Variants in PADI3 observed in about 807,000 individuals in gnomAD.
PADI3 encodes the protein protein-arginine deiminase type-3.
Under a neutral mutation model 71.5 loss-of-function variants are expected in PADI3, and 53 were observed. The observed-to-expected ratio is 0.74, with a 90% CI of 0.59 to 0.93. The LOEUF (loss-of-function observed/expected upper bound fraction) is 0.93. Among genes scored for constraint, PADI3 ranks in the 40% least tolerant of loss-of-function variants. The pLI is 0.00. For synonymous variants in PADI3, 361 were observed against 347.5 expected (o/e 1.04, Z -0.43); for missense variants, 821 against 868.0 (o/e 0.95, Z 0.68).
chr1:17,264,946 T>C (rs2073147712), intron 3 of PADI3, among the ~76,000 whole-genome samples: 1 of 151,188 alleles, frequency 6.6e-6, no homozygotes, highest in African/African-American at 2.4e-5. Context: ...GAGGCAGAGG[T>C]TGCAGTGAGC....
intron 7 of PADI3, 27 bp downstream of exon 7, chr1:17,270,438 G>C: frequency 6.3e-7 from 1 of 1,590,424 alleles, no homozygotes; most frequent in South Asian, 1.1e-5. Context: ...TTCAAGAGGA[G>C]CTCCACTCGG....
In PADI3 at chr1:17,259,662, C is replaced by A. The variant is rs1356839433; in HGVS notation, c.177C>A (p.Gly59=). Residue 59 remains glycine, a synonymous_variant, in exon 2 of 16, where the codon GGC becomes GGA. Coordinates refer to ENST00000375460, the MANE Select transcript of PADI3 (RefSeq NM_016233.2). The stretch of plus-strand genomic sequence containing the variant: ...ACATCTCTCCCAACATGGAGAGGGG[C>A]CGGGAGCGTGCAGACACCAGGCGGT... ...DIYISPNMER[G]RERADTRRWR... 2 of 1,613,882 alleles carry A rather than the reference C, an allele frequency of 1.2e-6. No individual in the cohort carries two copies. Among genetic ancestry groups the A allele is most frequent in the Non-Finnish European group, 1.7e-6 (2 of 1,179,848 alleles).
chr1:17,249,643 T>TA (rs1161143991), intron 1 of PADI3, among the ~76,000 whole-genome samples: 1 of 152,230 alleles, frequency 6.6e-6, no homozygotes, highest in Non-Finnish European at 1.5e-5. Context: ...GAATCATTTT[T>TA]AAAAAATAAG....
intron 3 of PADI3, among the ~76,000 whole-genome samples, chr1:17,264,331 TACACACAC>T (rs60223695): frequency 0.092 from 13,663 of 148,156 alleles, 641 homozygotes; most frequent in South Asian, 0.2. Flanking sequence ...AAAGCATATG[TACACACAC>T]ACACACACAC....
intron 1 of PADI3, among the ~76,000 whole-genome samples, chr1:17,257,197 C>T (rs563117018): frequency 2.6e-5 from 4 of 152,224 alleles, no homozygotes; most frequent in Admixed American, 1.3e-4. Context: ...CTCTCCATCT[C>T]GCTGGGTCTC....
chr1:17,267,894 A>T lies in PADI3; in HGVS notation c.584A>T (p.Asp195Val). The change falls in exon 6 of 16, where the codon GAT (aspartate) becomes GTT (valine). Residue 195 changes from aspartate to valine, a missense_variant. Coordinates refer to ENST00000375460, the MANE Select transcript of PADI3 (RefSeq NM_016233.2). ...LRTQGPAALF[D>V]DHKLVLHTSS... is the part of the protein sequence containing the mutation. Reference sequence around the variant, plus strand: ...ACGCAGGGCCCTGCAGCCCTCTTTGATGACCACAAACTTGTCCTCCATACC... The same window carrying T: ...ACGCAGGGCCCTGCAGCCCTCTTTGTTGACCACAAACTTGTCCTCCATACC... 6.2e-7 allele frequency: 1 copy of T among 1,614,192 alleles called. No individual in the cohort carries two copies. Among genetic ancestry groups the T allele is most frequent in the East Asian group, 2.2e-5 (1 of 44,890 alleles).
chr1:17,254,791 C>A (rs2073008783), intron 1 of PADI3, among the ~76,000 whole-genome samples: 1 of 148,480 alleles, frequency 6.7e-6, no homozygotes, highest in Admixed American at 6.9e-5. Flanking sequence ...TATCTTGGCT[C>A]ACTGCAACCT....
chr1:17,283,262 G>A lies in PADI3; in HGVS notation c.*183G>A, dbSNP rs2073424019. 1 of 580,848 alleles carries A rather than the reference G, an allele frequency of 1.7e-6. No individual in the cohort carries two copies. The highest frequency in any genetic ancestry group is 3.1e-6 in the Non-Finnish European group (1 of 324,820). The allele number at this position is 580,848 out of a possible 1,614,324, so 36.0% of individuals were successfully genotyped here. On this transcript the variant is annotated 3_prime_UTR_variant, in exon 16 of 16. Coordinates refer to ENST00000375460, the MANE Select transcript of PADI3 (RefSeq NM_016233.2). Reference sequence around the variant, plus strand: ...TGTCCATGCCTCACCTGCAACCCATGTGGTTCTCAGACTTGAATCTTCTCG... The same window carrying A: ...TGTCCATGCCTCACCTGCAACCCATATGGTTCTCAGACTTGAATCTTCTCG...
chr1:17,267,548 C>A (rs373639386), intron 5 of PADI3, among the ~76,000 whole-genome samples: 1 of 152,206 alleles, frequency 6.6e-6, no homozygotes, highest in Non-Finnish European at 1.5e-5. Flanking sequence ...ACCTGCACGA[C>A]GCCCACATGG....
In PADI3 at chr1:17,276,551, G is replaced by T. The variant is rs200537876; in HGVS notation, c.1340G>T (p.Arg447Leu). ...GGCCGCAGGGTCACCCAGGTGGTGC[G>T]GGACTTCCTCCATGCCCAGAAGGTG... ...SSGRRVTQVV[R>L]DFLHAQKVQP... Residue 447 changes from arginine (R) to leucine (L), a missense_variant, in exon 12 of 16, where the codon CGG becomes CTG. By Grantham distance (102) the Arg-to-Leu change is moderately radical. Transcript: ENST00000375460. The T allele has an allele frequency of 6.3e-5, 102 of 1,613,976 alleles. No homozygotes were observed. The highest frequency in any genetic ancestry group is 8.6e-5 in the Non-Finnish European group (101 of 1,180,034).
intron 9 of PADI3, 33 bp from the exon 10 acceptor site, chr1:17,273,307 A>G: frequency 6.5e-7 from 1 of 1,546,482 alleles, no homozygotes; most frequent in Non-Finnish European, 8.9e-7. Context: ...TGACTGTCAC[A>G]GCTGTGCGTC....
chr1:17,276,626 A>T lies in PADI3; in HGVS notation c.1415A>T (p.Asp472Val). The T allele has an allele frequency of 6.2e-7, 1 of 1,614,078 alleles. No individual in the cohort carries two copies. The change falls in exon 12 of 16, where the codon GAT becomes GTT. Residue 472 changes from aspartate to valine, a missense_variant. Coordinates refer to ENST00000375460, the MANE Select transcript of PADI3 (RefSeq NM_016233.2). ...FVDWLAVGHV[D>V]EFLSFVPAPD... is the part of the protein sequence containing the mutation. ...GACTGGTTGGCCGTGGGCCATGTGG[A>T]TGAGTTTCTGAGCTTTGTCCCTGCC... is the stretch of plus-strand genomic sequence containing the variant.
chr1:17,278,621 G>A (rs894660278), intron 13 of PADI3, among the ~76,000 whole-genome samples: 6 of 152,016 alleles, frequency 3.9e-5, no homozygotes, highest in Non-Finnish European at 8.8e-5. Context: ...TGGCAAGCTT[G>A]CTGGAAGCGT....
intron 1 of PADI3, among the ~76,000 whole-genome samples, chr1:17,256,896 G>A (rs953682352): frequency 1.3e-5 from 2 of 152,026 alleles, no homozygotes; most frequent in Non-Finnish European, 2.9e-5. Flanking sequence ...AGCCGGACAC[G>A]GTGGTGGGCT....
rs749249857 is a variant in PADI3 at position 17,267,847 on chromosome 1, C to T, written c.537C>T (p.Asp179=). ...TGTCTGGCTTCACAGACCTGGAAGA[C>T]ATGTCTGTCATGGTCCTGCGGACGC... is the stretch of plus-strand genomic sequence containing the variant. ...QHVHCLQDLE[D]MSVMVLRTQG... is the part of the protein sequence containing the mutation. The change falls in exon 6 of 16, where the codon GAC becomes GAT. Residue 179 remains aspartate (D), a synonymous_variant. Transcript: ENST00000375460. 1.9e-6 allele frequency: 3 copies of T among 1,613,860 alleles called. No individual in the cohort carries two copies. The highest frequency in any genetic ancestry group is 2.2e-5 in the South Asian group (2 of 91,078).
At chr1:17,250,471 A>C (rs2072952278) in intron 1 of PADI3, among the ~76,000 whole-genome samples, 1 of 152,182 alleles carries the variant, frequency 6.6e-6, no homozygotes, top group South Asian at 2.1e-4. Flanking sequence ...CTAAGACTCG[A>C]AAAATCAGGG....
At position 17,274,545 on chromosome 1, in the gene PADI3, C is replaced by T. The variant is rs948431772; in HGVS notation, c.1156-90C>T. 1.2e-5 allele frequency: 15 copies of T among 1,214,196 alleles called. No individual in the cohort carries two copies. In the African/African-American group the frequency reaches 2.1e-4, roughly 17 times the overall value. 75.2% of individuals were successfully genotyped at this position (1,214,196 alleles called of 1,614,324 possible). On this transcript the variant is annotated intron_variant, in intron 10 of 15. Transcript: ENST00000375460. Reference sequence around the variant, plus strand: ...CCTGAAGAATGGATGGCCTTTCCCACCCTGTCTTGAAGGAGCTCAAAGCCC... The same window carrying T: ...CCTGAAGAATGGATGGCCTTTCCCATCCTGTCTTGAAGGAGCTCAAAGCCC...
chr1:17,271,400 C>T (rs781282366), intron 9 of PADI3, among the ~76,000 whole-genome samples: 8 of 152,212 alleles, frequency 5.3e-5, no homozygotes, highest in Non-Finnish European at 1.0e-4. Flanking sequence ...GGGCTAGGCA[C>T]TAGGCTAGGC....
In PADI3 at chr1:17,280,656, C is replaced by G; in HGVS notation, c.1636-15C>G. 3.1e-6 allele frequency: 5 copies of G among 1,614,060 alleles called. No individual in the cohort carries two copies. The highest frequency in any genetic ancestry group is 4.2e-6 in the Non-Finnish European group (5 of 1,179,958). On this transcript the variant is annotated splice_polypyrimidine_tract_variant and intron_variant, in intron 14 of 15. Coordinates refer to ENST00000375460, the MANE Select transcript of PADI3 (RefSeq NM_016233.2). The stretch of plus-strand genomic sequence containing the variant: ...TGGCAAGGTGTCCCCAACTCTGGCC[C>G]TCCCCTGCCCCCAGAGCTGCATCGA...
Sources: gnomAD v4.1 joint callset for allele counts (sites outside exome capture counted in the v4.1 genomes callset) on GRCh38, gnomAD v4.1.1 for gene constraint, MANE v1.5 for transcripts, NCBI Gene and HGNC (gene_info 2026-07-23, HGNC 2026-07-21) for gene names.